The following NEU1 variants were observed in gnomAD, a reference collection of about 807,000 sequenced individuals.
NEU1 encodes the protein neuraminidase 1.
Under a neutral mutation model 38.3 loss-of-function variants are expected in NEU1, and 32 were observed. The ratio of observed to expected loss-of-function variants is 0.84; its 90% CI spans 0.63 to 1.12. NEU1 has a LOEUF of 1.12. Among genes scored for constraint, NEU1 ranks in the 50% most tolerant of loss-of-function variants. The pLI, the probability that NEU1 is intolerant of heterozygous loss-of-function variation, is 0.00. For synonymous variants in NEU1, 192 were observed against 225.2 expected, an observed-to-expected ratio of 0.85 and a Z score of 1.32; for missense variants, 431 against 549.2, an observed-to-expected ratio of 0.78 and a Z score of 2.15.
rs202096637 is a variant in NEU1, at chr6:31,862,785, G to T, written c.-9C>A. The T allele has an allele frequency of 1.6e-5, 26 of 1,612,440 alleles. No homozygotes were observed. Among genetic ancestry groups the T allele is most frequent in the Non-Finnish European group, 2.0e-5 (24 of 1,179,832 alleles). On this transcript the variant is annotated 5_prime_UTR_variant, in exon 1 of 6. Transcript: ENST00000375631. The surrounding 1 kb of genome is among the most constrained non-coding windows in gnomAD (Gnocchi z 6.3). ...GGTCGCTCCCCAGTCATCTCTCCCCGCAGCTGCCGCGACCCTGGCAGCTAG... is the reference window on the plus strand; with the variant it reads ...GGTCGCTCCCCAGTCATCTCTCCCCTCAGCTGCCGCGACCCTGGCAGCTAG...
In NEU1 at chr6:31,859,420, C is replaced by T. The variant is rs1762415131; in HGVS notation, c.*299G>A. 6 of 540,976 alleles carry T rather than the reference C, an allele frequency of 1.1e-5. No homozygotes were observed. The highest frequency in any genetic ancestry group is 2.0e-5 in the South Asian group (1 of 49,624). 33.5% of individuals were successfully genotyped at this position (540,976 alleles called of 1,614,324 possible). The stretch of plus-strand genomic sequence containing the variant: ...TGATTCAATTCTACAGCTCACTAGA[C>T]CTGCCCAAGACAGGACCAATCAATG... On this transcript the variant is annotated 3_prime_UTR_variant, in exon 6 of 6. Coordinates refer to ENST00000375631, the MANE Select transcript of NEU1 (RefSeq NM_000434.4).
Position 31,859,415 on chromosome 6 carries a change from C to T in NEU1, c.*304G>A. 1 of 532,760 alleles carries T rather than the reference C, an allele frequency of 1.9e-6. No homozygotes were observed. The highest frequency in any genetic ancestry group is 3.1e-5 in the Admixed American group (1 of 31,934). 33.0% of individuals were successfully genotyped at this position (532,760 alleles called of 1,614,324 possible). On this transcript the variant is annotated 3_prime_UTR_variant, in exon 6 of 6. Coordinates refer to ENST00000375631, the MANE Select transcript of NEU1 (RefSeq NM_000434.4). ...CACATTGATTCAATTCTACAGCTCA[C>T]TAGACCTGCCCAAGACAGGACCAAT...
rs199697301 is a variant in NEU1, at chr6:31,860,237, C to T, written c.826G>A (p.Val276Ile). The T allele has an allele frequency of 1.4e-5, 23 of 1,612,890 alleles. No homozygotes were observed. Among genetic ancestry groups the T allele is most frequent in the East Asian group, 1.1e-4 (5 of 44,884 alleles). ...TTGTTCTGGTTTCGGGCATTGATGACGACTGAGCCATCTGGGAGCTCATAG... is the reference window on the plus strand; with the variant it reads ...TTGTTCTGGTTTCGGGCATTGATGATGACTGAGCCATCTGGGAGCTCATAG... ...QPYELPDGSV[V>I]INARNQNNYH... is the part of the protein sequence containing the mutation. The change falls in exon 5 of 6, where the codon GTC (valine) becomes ATC (isoleucine). Residue 276 changes from valine (V) to isoleucine (I), a missense_variant. Transcript: ENST00000375631. This position sits in a 1 kb window ranked among gnomAD's most constrained non-coding sequence, Gnocchi z 4.8.
Position 31,860,083 on chromosome 6 carries a change from G to A in NEU1, c.980C>T (p.Ser327Phe). Residue 327 changes from serine to phenylalanine, a missense_variant, in exon 5 of 6, where the codon TCC (serine) becomes TTC (phenylalanine). Physicochemically the swap from Ser to Phe is radical, Grantham distance 155. Coordinates refer to ENST00000375631, the MANE Select transcript of NEU1 (RefSeq NM_000434.4). This position sits in a 1 kb window ranked among gnomAD's most constrained non-coding sequence, Gnocchi z 4.8. ...VVAAGAVVTSSGIVFFSNPAH... is the reference protein window; with the variant it reads ...VVAAGAVVTSFGIVFFSNPAH... ...TGGGTTGGAGAAGAAGACAATGCCG[G>A]AGCTGGTGACTACAGCTCCTGCAGC... 2 of 1,613,026 alleles carry A rather than the reference G, an allele frequency of 1.2e-6. No individual in the cohort carries two copies. The highest frequency in any genetic ancestry group is 1.7e-6 in the Non-Finnish European group (2 of 1,180,026).
At chr6:31,859,996 C>T in intron 5 of NEU1, 46 bp downstream of exon 5, 1 of 1,612,612 alleles carries the variant, frequency 6.2e-7, no homozygotes. Flanking sequence ...CAGGCCTTGT[C>T]TAGACACAGG....
At position 31,860,338 on chromosome 6, in the gene NEU1, G is replaced by A; in HGVS notation, c.799-74C>T. The A allele has an allele frequency of 6.2e-7, 1 of 1,601,292 alleles. No homozygotes were observed. The highest frequency in any genetic ancestry group is 8.6e-7 in the Non-Finnish European group (1 of 1,168,810). On this transcript the variant is annotated intron_variant, in intron 4 of 5. Coordinates refer to ENST00000375631, the MANE Select transcript of NEU1 (RefSeq NM_000434.4). The surrounding 1 kb of genome is among the most constrained non-coding windows in gnomAD (Gnocchi z 4.8). Reference sequence around the variant, plus strand: ...GTCCCCGAGGGGAGCAAGGGTGTGTGGCACTGAGTGGAGCAGTCAGACCCT... The same window carrying A: ...GTCCCCGAGGGGAGCAAGGGTGTGTAGCACTGAGTGGAGCAGTCAGACCCT...
rs1395305962 is a variant in NEU1, at chr6:31,860,214, G to C, written c.849C>G (p.Asn283Lys). 6.2e-7 allele frequency: 1 copy of C among 1,613,052 alleles called. No individual in the cohort carries two copies. The highest frequency in any genetic ancestry group is 1.1e-5 in the South Asian group (1 of 91,082). Residue 283 changes from asparagine to lysine, a missense_variant, in exon 5 of 6, where the codon AAC becomes AAG. Transcript: ENST00000375631. This position sits in a 1 kb window ranked among gnomAD's most constrained non-coding sequence, Gnocchi z 4.8. ...CAATTCGGCAGTGGCAGTGGTAGTT[G>C]TTCTGGTTTCGGGCATTGATGACGA... Reference protein sequence around the residue: ...GSVVINARNQNNYHCHCRIVL... With the variant: ...GSVVINARNQKNYHCHCRIVL...
intron 2 of NEU1, 170 bp downstream of exon 2, chr6:31,861,829 C>A (rs988399360): frequency 1.3e-6 from 1 of 774,308 alleles, no homozygotes; most frequent in South Asian, 1.4e-5. Context: ...CTTGGTGATC[C>A]CAATTTCCAG....
Position 31,860,656 on chromosome 6 carries a change from ACT to A in NEU1, c.616-37_616-36del. On this transcript the variant is annotated intron_variant, in intron 3 of 5. Coordinates refer to ENST00000375631, the MANE Select transcript of NEU1 (RefSeq NM_000434.4). The surrounding 1 kb of genome is among the most constrained non-coding windows in gnomAD (Gnocchi z 4.8). ...AGGGAACTGGGTGTCACAGAAGGAG[ACT>A]CTAGGGGCTCAGAGGCAGGGACAGA... 6.2e-7 allele frequency: 1 copy of A among 1,610,764 alleles called. No individual in the cohort carries two copies. The highest frequency in any genetic ancestry group is 8.5e-7 in the Non-Finnish European group (1 of 1,179,076).
rs115468005 is a variant in NEU1, at chr6:31,861,413, A to G, written c.390T>C (p.Asp130=). The G allele has an allele frequency of 6.6e-5, 107 of 1,612,960 alleles. No individual in the cohort carries two copies. The African/African-American group carries it at 1.3e-3, about 19-fold the overall frequency. The change falls in exon 3 of 6, where the codon GAT becomes GAC. Residue 130 remains aspartate, a synonymous_variant. Coordinates refer to ENST00000375631, the MANE Select transcript of NEU1 (RefSeq NM_000434.4). ...GGTTCAGCCCATCGGGGACATCCCC[A>G]TCATTGACAATGAACGCTGTAGGAG... is the stretch of plus-strand genomic sequence containing the variant. ...TWSPTAFIVN[D]GDVPDGLNLG... is the part of the protein sequence containing the mutation.
chr6:31,862,114 G>C lies in NEU1; in HGVS notation c.237C>G (p.Ile79Met). 1 of 1,613,098 alleles carries C rather than the reference G, an allele frequency of 6.2e-7. No individual in the cohort carries two copies. The highest frequency in any genetic ancestry group is 8.5e-7 in the Non-Finnish European group (1 of 1,180,032). Residue 79 changes from isoleucine to methionine, a missense_variant, in exon 2 of 6, where the codon ATC becomes ATG. Transcript: ENST00000375631. This position sits in a 1 kb window ranked among gnomAD's most constrained non-coding sequence, Gnocchi z 6.3. The part of the protein sequence containing the change: ...RQIGSVDTFR[I>M]PLITATPRGT... Reference sequence around the variant, plus strand: ...CCCGCGGAGTGGCTGTGATGAGCGGGATGCGGAAGGTGTCCACTGAGCCGA... The same window carrying C: ...CCCGCGGAGTGGCTGTGATGAGCGGCATGCGGAAGGTGTCCACTGAGCCGA...
chr6:31,860,438 C>A lies in NEU1; in HGVS notation c.798+1G>T. 1 of 1,613,966 alleles carries A rather than the reference C, an allele frequency of 6.2e-7. No homozygotes were observed. The highest frequency in any genetic ancestry group is 8.5e-7 in the Non-Finnish European group (1 of 1,179,996). On this transcript the variant is annotated splice_donor_variant, in intron 4 of 5. Coordinates refer to ENST00000375631, the MANE Select transcript of NEU1 (RefSeq NM_000434.4). LOFTEE classifies it high-confidence loss of function. The surrounding 1 kb of genome is among the most constrained non-coding windows in gnomAD (Gnocchi z 4.8). ...TAGGGAACATCTCATGGACTCCTGA[C>A]CTGGCATTCATCAGGATTGAAATCA...
At position 31,860,418 on chromosome 6, in the gene NEU1, A is replaced by T; in HGVS notation, c.798+21T>A. On this transcript the variant is annotated intron_variant, in intron 4 of 5. Transcript: ENST00000375631. The surrounding 1 kb of genome is among the most constrained non-coding windows in gnomAD (Gnocchi z 4.8). ...GGCAGGGAGGGTCAAATGGGTAGGG[A>T]ACATCTCATGGACTCCTGACCTGGC... 2 of 1,613,834 alleles carry T rather than the reference A, an allele frequency of 1.2e-6. No homozygotes were observed. Among genetic ancestry groups the T allele is most frequent in the East Asian group, 4.5e-5 (2 of 44,862 alleles).
chr6:31,862,321 A>C lies in NEU1; in HGVS notation c.160-130T>G, dbSNP rs1762554975. On this transcript the variant is annotated intron_variant, in intron 1 of 5. Coordinates refer to ENST00000375631, the MANE Select transcript of NEU1 (RefSeq NM_000434.4). The surrounding 1 kb of genome is among the most constrained non-coding windows in gnomAD (Gnocchi z 6.3). ...GGGATGGGGTCCCAGAACAAGAAAG[A>C]GGAACACGAAGGGGAGTTTGGAGCG... 1 of 1,053,892 alleles carries C rather than the reference A, an allele frequency of 9.5e-7. No homozygotes were observed. Among genetic ancestry groups the C allele is most frequent in the African/African-American group, 1.6e-5 (1 of 63,606 alleles). The allele number at this position is 1,053,892 out of a possible 1,614,324, so 65.3% of individuals were successfully genotyped here. A position where few individuals can be genotyped will look rare whatever the true frequency, so the allele number is the denominator to read the frequency against.
Position 31,862,371 on chromosome 6 carries a change from G to T in NEU1, c.160-180C>A, listed in dbSNP as rs1279152395. 2.0e-5 allele frequency among the ~76,000 whole-genome samples: 3 copies of T among 152,186 alleles called. No individual in the cohort carries two copies. The highest frequency in any genetic ancestry group is 7.2e-5 in the African/African-American group (3 of 41,426). ...GAAGCTGGAGGCTCGGAGCAGGGGA[G>T]GGTCTACGAAAGGAGAAGGCGCCTT... On this transcript the variant is annotated intron_variant, in intron 1 of 5. Transcript: ENST00000375631. This position sits in a 1 kb window ranked among gnomAD's most constrained non-coding sequence, Gnocchi z 6.3.
At position 31,862,728 on chromosome 6, in the gene NEU1, GC is replaced by G. The variant is rs1236982860; in HGVS notation, c.48del (p.Pro17ArgfsTer42). The G allele has an allele frequency of 6.2e-7, 1 of 1,612,862 alleles. No homozygotes were observed. The highest frequency in any genetic ancestry group is 1.3e-5 in the African/African-American group (1 of 74,890). ...CCTCCCCAGAAGCCCAGAATCCGCG[GC>G]CCCCAGCGTCTGTCCGGGAGCGCCG... is the stretch of plus-strand genomic sequence containing the variant. ...PSTALPDRRW[G>X]PRILGFWGGC... On this transcript the variant is annotated frameshift_variant, in exon 1 of 6. Coordinates refer to ENST00000375631, the MANE Select transcript of NEU1 (RefSeq NM_000434.4). LOFTEE classifies it high-confidence loss of function. The surrounding 1 kb of genome is among the most constrained non-coding windows in gnomAD (Gnocchi z 6.3).
rs1762414303 is a variant in NEU1, at chr6:31,859,393, A to G, written c.*326T>C. 4 of 490,818 alleles carry G rather than the reference A, an allele frequency of 8.1e-6. No homozygotes were observed. Among genetic ancestry groups the G allele is most frequent in the Non-Finnish European group, 1.5e-5 (4 of 267,810 alleles). The allele number at this position is 490,818 out of a possible 1,614,324, so 30.4% of individuals were successfully genotyped here. On this transcript the variant is annotated 3_prime_UTR_variant, in exon 6 of 6. Transcript: ENST00000375631. The stretch of plus-strand genomic sequence containing the variant: ...GCCTTCCCCAGTTCCCTGAGTTCAC[A>G]TTGATTCAATTCTACAGCTCACTAG...
rs552600918 is a variant in NEU1 at position 31,857,840 on chromosome 6, T to C, written c.*1879A>G. On this transcript the variant is annotated 3_prime_UTR_variant, in exon 6 of 6. Transcript: ENST00000375631. ...CCCTATTTCATGGAGGATGGTATCC[T>C]ACCCCATGTTAGAAATATAAAACAG... 1.3e-5 allele frequency: 2 copies of C among 152,330 alleles called. No individual in the cohort carries two copies. The highest frequency in any genetic ancestry group is 1.3e-4 in the Admixed American group (2 of 15,284). The allele number at this position is 152,330 out of a possible 1,614,324, so 9.4% of individuals were successfully genotyped here.
In NEU1 at chr6:31,859,731, A is replaced by ATT. The variant is rs773058147; in HGVS notation, c.1235_1236insAA (p.Tyr412Ter). Reference sequence around the variant, plus strand: ...GCAGTGGCACAGCTCAGAGTGTCCCATAGACACTGATTTTGGCCACGGAGA... The same window carrying ATT: ...GCAGTGGCACAGCTCAGAGTGTCCCATTTAGACACTGATTTTGGCCACGGAGA... ...ESISVAKISV[Y>*]GTL Residue 412 changes from tyrosine to a stop codon, truncating the protein, a stop_gained and frameshift_variant, in exon 6 of 6, where the codon TAT (tyrosine) becomes TAAAT (stop). Coordinates refer to ENST00000375631, the MANE Select transcript of NEU1 (RefSeq NM_000434.4). LOFTEE classifies it high-confidence loss of function. 2.0e-5 allele frequency: 33 copies of ATT among 1,612,624 alleles called. No homozygotes were observed. Among genetic ancestry groups the ATT allele is most frequent in the Non-Finnish European group, 2.7e-5 (32 of 1,179,860 alleles).
Sources: gnomAD v4.1 joint callset for allele counts (sites outside exome capture counted in the v4.1 genomes callset) on GRCh38, gnomAD v4.1.1 for gene constraint, Gnocchi (gnomAD v3.1) non-coding constraint, MANE v1.5 for transcripts, NCBI Gene and HGNC (gene_info 2026-07-23, HGNC 2026-07-21) for gene names.